GRM8: variants seen among roughly 807,000 people sequenced by gnomAD.
GRM8 encodes glutamate metabotropic receptor 8, also known as metabotropic glutamate receptor 8.
GRM8 carries 47 observed loss-of-function variants against 87.2 expected under a neutral mutation model. The ratio of observed to expected loss-of-function variants is 0.54; its 90% CI spans 0.43 to 0.69. The LOEUF (loss-of-function observed/expected upper bound fraction) is 0.69, where lower values mean the gene tolerates loss of function less well. Ranked by LOEUF, GRM8 falls within the 30% of genes least tolerant of loss-of-function variation. The pLI is 0.00. For missense variants in GRM8, 1,019 were observed against 1,139.2 expected, an observed-to-expected ratio of 0.89 and a Z score of 1.52; for synonymous variants, 396 against 404.5, an observed-to-expected ratio of 0.98 and a Z score of 0.25.
At chr7:126,932,561 T>C (rs1033856996) in intron 3 of GRM8, among the ~76,000 whole-genome samples, 78 of 152,284 alleles carry the variant, frequency 5.1e-4, no homozygotes, top group African/African-American at 1.8e-3. Flanking sequence ...GAGTACACTA[T>C]CTTGCTAGAG....
At chr7:127,052,318 C>G (rs12670200) in intron 3 of GRM8, among the ~76,000 whole-genome samples, 3 of 152,176 alleles carry the variant, frequency 2.0e-5, no homozygotes, top group Admixed American at 1.3e-4. Context: ...ACTCTTAGCC[C>G]CTTCTCTTTA....
chr7:126,557,695 CATATCTT>C (rs1262284888), intron 8 of GRM8, among the ~76,000 whole-genome samples: 2 of 152,082 alleles, frequency 1.3e-5, no homozygotes, highest in African/African-American at 4.8e-5. Context: ...CATTCATTGT[CATATCTT>C]ATTCATCTTT....
At chr7:126,550,324 G>T (rs1792450163) in intron 8 of GRM8, among the ~76,000 whole-genome samples, 1 of 151,924 alleles carries the variant, frequency 6.6e-6, no homozygotes, top group Non-Finnish European at 1.5e-5. Context: ...ATGTTGGCCA[G>T]GATGGTCTCA....
chr7:126,548,245 C>A (rs1231716329), intron 8 of GRM8, among the ~76,000 whole-genome samples: 6 of 151,856 alleles, frequency 4.0e-5, no homozygotes, highest in Non-Finnish European at 8.8e-5. Flanking sequence ...AGCAAACCAA[C>A]ATGGCACATG....
At chr7:126,621,809 T>C (rs1467909712) in intron 7 of GRM8, among the ~76,000 whole-genome samples, 4 of 152,118 alleles carry the variant, frequency 2.6e-5, no homozygotes, top group African/African-American at 7.2e-5. Context: ...CTAGTAACCA[T>C]ATCATCTCCA....
chr7:126,855,700 T>C (rs1797614896), intron 6 of GRM8, among the ~76,000 whole-genome samples: 1 of 152,124 alleles, frequency 6.6e-6, no homozygotes, highest in Non-Finnish European at 1.5e-5. Context: ...GGTCTCAAAC[T>C]CCTGACCTGA....
chr7:126,936,733 T>C (rs567769309), intron 3 of GRM8, among the ~76,000 whole-genome samples: 1 of 152,276 alleles, frequency 6.6e-6, no homozygotes, highest in East Asian at 1.9e-4. Context: ...CCAGTTTCAG[T>C]GCTGCAGCTG....
chr7:126,824,087 A>C (rs555230159), intron 6 of GRM8, among the ~76,000 whole-genome samples: 10 of 152,320 alleles, frequency 6.6e-5, no homozygotes, highest in African/African-American at 2.4e-4. Context: ...ATATCTAAAA[A>C]TTATTTTATT....
chr7:126,937,941 A>C (rs1806508622), intron 3 of GRM8, among the ~76,000 whole-genome samples: 1 of 152,118 alleles, frequency 6.6e-6, no homozygotes, highest in Non-Finnish European at 1.5e-5. Context: ...AGGGATACTT[A>C]GATGCTAGGG....
At chr7:126,800,168 T>A (rs946315626) in intron 6 of GRM8, among the ~76,000 whole-genome samples, 4 of 152,112 alleles carry the variant, frequency 2.6e-5, no homozygotes, top group East Asian at 1.9e-4. Flanking sequence ...ATGAAAATAT[T>A]CTACCTTGCC....
chr7:126,571,181 C>T (rs1480953795), intron 8 of GRM8, among the ~76,000 whole-genome samples: 3 of 152,014 alleles, frequency 2.0e-5, no homozygotes, highest in Admixed American at 6.6e-5. Flanking sequence ...GAAATCATTA[C>T]TAATACAAGA....
intron 6 of GRM8, among the ~76,000 whole-genome samples, chr7:126,818,592 A>G (rs1447163783): frequency 6.6e-6 from 1 of 152,196 alleles, no homozygotes; most frequent in Non-Finnish European, 1.5e-5. Flanking sequence ...CTCAGATAAA[A>G]TCTGTAAAAG....
intron 2 of GRM8, among the ~76,000 whole-genome samples, chr7:127,178,983 G>A (rs971578293): frequency 2.6e-5 from 4 of 152,054 alleles, no homozygotes; most frequent in African/African-American, 9.7e-5. Flanking sequence ...GCAATAAAGA[G>A]CAAGATGAAT....
At chr7:127,152,720 T>C (rs1433924566) in intron 2 of GRM8, among the ~76,000 whole-genome samples, 1 of 152,136 alleles carries the variant, frequency 6.6e-6, no homozygotes, top group Non-Finnish European at 1.5e-5. Flanking sequence ...GATACAGAGA[T>C]TATTTCTTTA....
intron 3 of GRM8, among the ~76,000 whole-genome samples, chr7:127,089,387 C>T (rs752758642): frequency 6.6e-6 from 1 of 152,168 alleles, no homozygotes; most frequent in Non-Finnish European, 1.5e-5. Context: ...TGTGGGAGAA[C>T]AAATTTCTGT....
chr7:126,682,549 C>T (rs957792598), intron 7 of GRM8, among the ~76,000 whole-genome samples: 3 of 152,186 alleles, frequency 2.0e-5, no homozygotes, highest in Admixed American at 6.5e-5. Context: ...CACTCTTATT[C>T]ACTAAGACAG....
chr7:126,540,714 A>C (rs1174493947), intron 8 of GRM8, among the ~76,000 whole-genome samples: 2 of 152,206 alleles, frequency 1.3e-5, no homozygotes, highest in Non-Finnish European at 2.9e-5. Flanking sequence ...TTTATTTTAT[A>C]TATAACATCC....
In GRM8 at chr7:126,536,450, A is replaced by G. The variant is rs139220877; in HGVS notation, c.1495-2563T>C. Among the ~76,000 whole-genome samples the G allele has an allele frequency of 2.3e-3, 352 of 152,310 alleles. 1 individual carries two copies. The highest frequency in any genetic ancestry group is 8.1e-3 in the African/African-American group (338 of 41,582). On this transcript the variant is annotated intron_variant, in intron 8 of 10. Transcript: ENST00000339582. ...CCCTTGAGAAAGTAGATGCTACTTC[A>G]TCTGTCATATGTCATCAGGGCATTT... is the stretch of plus-strand genomic sequence containing the variant.
chr7:127,004,027 A>C (rs1814010966), intron 3 of GRM8, among the ~76,000 whole-genome samples: 1 of 151,632 alleles, frequency 6.6e-6, no homozygotes, highest in Admixed American at 6.6e-5. Flanking sequence ...ATTCTCAGTA[A>C]ATTTTTTAAG....
Sources: gnomAD v4.1 joint callset for allele counts (sites outside exome capture counted in the v4.1 genomes callset) on GRCh38, gnomAD v4.1.1 for gene constraint, MANE v1.5 for transcripts, NCBI Gene and HGNC (gene_info 2026-07-23, HGNC 2026-07-21) for gene names.